NAA25: variants seen among roughly 807,000 people sequenced by gnomAD.
The protein encoded by NAA25 is N-alpha-acetyltransferase 25, NatB auxiliary subunit.
NAA25 carries 30 observed loss-of-function variants against 132.5 expected under a neutral mutation model. The observed-to-expected ratio is 0.23, with a 90% CI of 0.17 to 0.31. The LOEUF (loss-of-function observed/expected upper bound fraction) is 0.31, where lower values mean the gene tolerates loss of function less well. Ranked by LOEUF, NAA25 falls within the 10% of genes least tolerant of loss-of-function variation. NAA25 has a pLI of 1.00. For synonymous variants in NAA25, 359 were observed against 401.9 expected (o/e 0.89, Z 1.28); for missense variants, 771 against 1,150.4 (o/e 0.67, Z 4.77).
At position 112,061,293 on chromosome 12, in the gene NAA25, C is replaced by T. The variant is rs772328938; in HGVS notation, c.1245G>A (p.Leu415=). 6 of 1,614,004 alleles carry T rather than the reference C, an allele frequency of 3.7e-6. No individual in the cohort carries two copies. Among genetic ancestry groups the T allele is most frequent in the Non-Finnish European group, 5.1e-6 (6 of 1,180,008 alleles). Residue 415 remains leucine, a synonymous_variant, in exon 12 of 24, where the codon TTG becomes TTA. Coordinates refer to ENST00000261745, the MANE Select transcript of NAA25 (RefSeq NM_024953.4). The part of the protein sequence containing the change: ...PADIRALQQH[L]CVVQLTRLLG... ...GTAACCTCGTCAGCTGCACCACACA[C>T]AAATGTTGCTGCAGAGCTCTGATGT... is the stretch of plus-strand genomic sequence containing the variant.
At chr12:112,058,349 A>C (rs1378875857) in intron 13 of NAA25, among the ~76,000 whole-genome samples, 2 of 152,216 alleles carry the variant, frequency 1.3e-5, no homozygotes, top group African/African-American at 2.4e-5. Flanking sequence ...TGATAGTAGC[A>C]AAAAAATTTT....
intron 1 of NAA25, among the ~76,000 whole-genome samples, chr12:112,094,359 G>C (rs1187416023): frequency 6.6e-6 from 1 of 151,058 alleles, no homozygotes; most frequent in Non-Finnish European, 1.5e-5. Flanking sequence ...TACATATTTA[G>C]ATGAGATGAC....
intron 13 of NAA25, among the ~76,000 whole-genome samples, chr12:112,058,722 G>A (rs559552253): frequency 6.6e-6 from 1 of 152,126 alleles, no homozygotes; most frequent in Admixed American, 6.5e-5. Flanking sequence ...TCAGGAGTTC[G>A]AGACCAGCCT....
chr12:112,042,160 A>G, intron 19 of NAA25, 56 bp from the exon 20 acceptor site: 1 of 909,098 alleles, frequency 1.1e-6, no homozygotes, highest in Non-Finnish European at 1.6e-6. Context: ...AGTAAGATAA[A>G]GAAGCAAGAT....
intron 18 of NAA25, 110 bp downstream of exon 18, chr12:112,043,515 A>C: frequency 7.8e-7 from 1 of 1,274,156 alleles, no homozygotes; most frequent in Non-Finnish European, 1.1e-6. Context: ...CAGAAGCCAT[A>C]AACTGGGACA....
rs1485999563 is a variant in NAA25 at position 112,074,710 on chromosome 12, A to T, written c.831T>A (p.Ile277=). The T allele has an allele frequency of 1.9e-6, 3 of 1,611,720 alleles. No homozygotes were observed. In the East Asian group the frequency reaches 6.7e-5, roughly 36 times the overall value. The change falls in exon 9 of 24, where the codon ATT becomes ATA. Residue 277 remains isoleucine (I), a synonymous_variant. Coordinates refer to ENST00000261745, the MANE Select transcript of NAA25 (RefSeq NM_024953.4). Reference sequence around the variant, plus strand: ...CAGCAGGAGGACTCCAGGCCTCTTCAATCAGTCGAAAGACAGAATCGAAAT... The same window carrying T: ...CAGCAGGAGGACTCCAGGCCTCTTCTATCAGTCGAAAGACAGAATCGAAAT... ...LTYFDSVFRL[I]EEAWSPPAEG...
At chr12:112,035,671 C>T (rs557779239) in intron 22 of NAA25, among the ~76,000 whole-genome samples, 56 of 141,882 alleles carry the variant, frequency 3.9e-4, no homozygotes, top group African/African-American at 1.5e-3. Flanking sequence ...ACAACTGAAA[C>T]ATCAACTTTC....
At position 112,049,190 on chromosome 12, in the gene NAA25, A is replaced by T. The variant is rs1253391289; in HGVS notation, c.1729-747T>A. Among the ~76,000 whole-genome samples, 1 of 152,230 alleles carries T rather than the reference A, an allele frequency of 6.6e-6. No individual in the cohort carries two copies. Among genetic ancestry groups the T allele is most frequent in the Non-Finnish European group, 1.5e-5 (1 of 68,034 alleles). On this transcript the variant is annotated intron_variant, in intron 15 of 23. Transcript: ENST00000261745. The surrounding 1 kb of genome is among the most constrained non-coding windows in gnomAD (Gnocchi z 4.7). The stretch of plus-strand genomic sequence containing the variant: ...TACATATACAGAGATCAAACATTAC[A>T]GAACAGAGGCAAGATAAAGAATTCT...
intron 4 of NAA25, 109 bp downstream of exon 4, chr12:112,087,574 T>C (rs2079073998): frequency 2.8e-6 from 2 of 704,000 alleles, no homozygotes; most frequent in Non-Finnish European, 4.8e-6. Context: ...GAAAAATCCA[T>C]AAATTCAATT....
At chr12:112,088,317 G>GTTTTTTTTTT (rs1025838850) in intron 3 of NAA25, among the ~76,000 whole-genome samples, 2 of 75,598 alleles carry the variant, frequency 2.6e-5, no homozygotes, top group East Asian at 1.3e-3. Flanking sequence ...GTATATTGTA[G>GTTTTTTTTTT]TTTTTTTTTT....
chr12:112,070,047 G>A (rs564011673), intron 10 of NAA25, among the ~76,000 whole-genome samples: 47 of 152,278 alleles, frequency 3.1e-4, no homozygotes, highest in Non-Finnish European at 1.3e-4. Flanking sequence ...AGAATCACTT[G>A]AACCCAGGAG....
intron 7 of NAA25, among the ~76,000 whole-genome samples, chr12:112,077,307 T>C (rs2078907600): frequency 6.6e-6 from 1 of 151,928 alleles, no homozygotes; most frequent in East Asian, 1.9e-4. Context: ...ACCCCGTCTC[T>C]ACTAAAAATA....
chr12:112,082,389 G>T (rs975851705), intron 4 of NAA25, among the ~76,000 whole-genome samples: 1 of 151,876 alleles, frequency 6.6e-6, no homozygotes, highest in Non-Finnish European at 1.5e-5. Flanking sequence ...GGGCAACATT[G>T]TAAAACCTTA....
At position 112,049,398 on chromosome 12, in the gene NAA25, C is replaced by A. The variant is rs1349157615; in HGVS notation, c.1729-955G>T. 1.1e-6 allele frequency: 1 copy of A among 942,304 alleles called. No homozygotes were observed. Among genetic ancestry groups the A allele is most frequent in the Non-Finnish European group, 1.3e-6 (1 of 790,516 alleles). 58.4% of individuals were successfully genotyped at this position (942,304 alleles called of 1,614,324 possible). On this transcript the variant is annotated intron_variant, in intron 15 of 23. Transcript: ENST00000261745. This position sits in a 1 kb window ranked among gnomAD's most constrained non-coding sequence, Gnocchi z 4.7. Reference sequence around the variant, plus strand: ...TAGAAAAAACAGTCTTTTTACACAGCCTCAGTTAATCAGCTCTGCCCCCAT... The same window carrying A: ...TAGAAAAAACAGTCTTTTTACACAGACTCAGTTAATCAGCTCTGCCCCCAT...
chr12:112,085,227 C>G (rs995307901), intron 4 of NAA25, among the ~76,000 whole-genome samples: 17 of 150,934 alleles, frequency 1.1e-4, no homozygotes, highest in African/African-American at 4.9e-5. Flanking sequence ...AAGACTATAT[C>G]ACACACACAA....
intron 11 of NAA25, among the ~76,000 whole-genome samples, chr12:112,064,446 G>A (rs1397289694): frequency 6.6e-6 from 1 of 152,118 alleles, no homozygotes. Context: ...GGCCAGGCTG[G>A]TCTCGAACTC....
intron 1 of NAA25, among the ~76,000 whole-genome samples, chr12:112,101,265 T>C (rs1007113640): frequency 2.6e-5 from 4 of 152,220 alleles, no homozygotes; most frequent in Admixed American, 2.0e-4. Flanking sequence ...GTAATGGTGA[T>C]GTGTACTGTC....
chr12:112,076,286 A>G (rs771949643), intron 7 of NAA25, among the ~76,000 whole-genome samples: 2 of 152,248 alleles, frequency 1.3e-5, no homozygotes, highest in Non-Finnish European at 2.9e-5. Flanking sequence ...AGAAAAAAGT[A>G]CATTACTGAC....
intron 4 of NAA25, among the ~76,000 whole-genome samples, chr12:112,086,751 C>A (rs1254911717): frequency 6.6e-6 from 1 of 152,012 alleles, no homozygotes; most frequent in Non-Finnish European, 1.5e-5. Flanking sequence ...GTGGCTCATG[C>A]CTGTAATCCC....
Sources: gnomAD v4.1 joint callset for allele counts (sites outside exome capture counted in the v4.1 genomes callset) on GRCh38, gnomAD v4.1.1 for gene constraint, Gnocchi (gnomAD v3.1) non-coding constraint, MANE v1.5 for transcripts, NCBI Gene and HGNC (gene_info 2026-07-23, HGNC 2026-07-21) for gene names.